GPC6: variants seen among roughly 807,000 people sequenced by gnomAD.
GPC6 encodes the protein glypican-6.
A neutral mutation model predicts 55.2 loss-of-function variants in GPC6; 14 were observed. The ratio of observed to expected loss-of-function variants is 0.25; its 90% CI spans 0.17 to 0.40. The LOEUF (loss-of-function observed/expected upper bound fraction) is 0.40. GPC6 is among the 10% of genes least tolerant of loss of function. The probability of loss-of-function intolerance (pLI) is 1.00; values close to 1 mark genes in which losing one functional copy is unlikely to be tolerated. For missense variants in GPC6, 641 were observed against 708.5 expected (o/e 0.90, Z 1.08); for synonymous variants, 278 against 259.6 (o/e 1.07, Z -0.68).
At chr13:94,396,375 T>C (rs1880897950) in intron 7 of GPC6, among the ~76,000 whole-genome samples, 1 of 152,186 alleles carries the variant, frequency 6.6e-6, no homozygotes, top group Non-Finnish European at 1.5e-5. Context: ...TGAAGTTTTC[T>C]AAAATAAAAA....
intron 3 of GPC6, among the ~76,000 whole-genome samples, chr13:94,001,410 C>T (rs1320994143): frequency 6.6e-6 from 1 of 151,996 alleles, no homozygotes; most frequent in African/African-American, 2.4e-5. Flanking sequence ...TTATAAATAT[C>T]TTGAACAATG....
chr13:94,241,926 AT>A (rs1891065278), intron 4 of GPC6, among the ~76,000 whole-genome samples: 1 of 148,646 alleles, frequency 6.7e-6, no homozygotes, highest in African/African-American at 2.5e-5. Flanking sequence ...TTCTTTTTTT[AT>A]TATTATTATG....
chr13:94,128,737 G>T (rs1056449188), intron 4 of GPC6, among the ~76,000 whole-genome samples: 1 of 152,150 alleles, frequency 6.6e-6, no homozygotes, highest in African/African-American at 2.4e-5. Context: ...GAACTGGAAA[G>T]ATCTGGCAAA....
chr13:93,837,973 A>G (rs1464798947), intron 3 of GPC6, among the ~76,000 whole-genome samples: 1 of 152,244 alleles, frequency 6.6e-6, no homozygotes, highest in Non-Finnish European at 1.5e-5. Context: ...AATGATTTGC[A>G]GGAGACAAGG....
At chr13:93,970,868 C>G (rs1222073319) in intron 3 of GPC6, among the ~76,000 whole-genome samples, 6 of 152,112 alleles carry the variant, frequency 3.9e-5, no homozygotes, top group Admixed American at 3.3e-4. Context: ...GGTTAATGCC[C>G]TCATTATATA....
chr13:94,005,454 G>T (rs1241924567), intron 3 of GPC6, among the ~76,000 whole-genome samples: 1 of 152,104 alleles, frequency 6.6e-6, no homozygotes, highest in Non-Finnish European at 1.5e-5. Flanking sequence ...AAGTCTTTCA[G>T]CCTCTCTCTT....
chr13:93,923,990 A>G (rs1877715652), intron 3 of GPC6, among the ~76,000 whole-genome samples: 1 of 152,198 alleles, frequency 6.6e-6, no homozygotes, highest in Non-Finnish European at 1.5e-5. Context: ...AATGGAATGG[A>G]ATGGTGTAGC....
rs921245464 is a variant in GPC6 at position 94,305,721 on chromosome 13, A to G, written c.1009-259A>G. On this transcript the variant is annotated intron_variant, in intron 5 of 8. Coordinates refer to ENST00000377047, the MANE Select transcript of GPC6 (RefSeq NM_005708.5). ...TTTTAATGAGTAAGCAAATTTGCAA[A>G]TATGTATCTACCAATAATAAGATTG... Among the ~76,000 whole-genome samples the G allele has an allele frequency of 7.6e-4, 115 of 152,178 alleles. 2 individuals carry two copies. Among genetic ancestry groups the G allele is most frequent in the African/African-American group, 2.8e-3 (115 of 41,436 alleles).
intron 1 of GPC6, among the ~76,000 whole-genome samples, chr13:93,358,070 G>A (rs1342762456): frequency 2.4e-4 from 37 of 152,136 alleles, no homozygotes; most frequent in Non-Finnish European, 5.9e-5. Context: ...AACATTGGCC[G>A]GGTACGGTGG....
intron 2 of GPC6, among the ~76,000 whole-genome samples, chr13:93,623,460 T>TTTTCTTTC (rs1566454924): frequency 9.2e-5 from 2 of 21,852 alleles, no homozygotes; most frequent in East Asian, 4.2e-4. Flanking sequence ...CTTTTCTTTT[T>TTTTCTTTC]TTTTTTTTTT....
chr13:93,702,639 C>T (rs531472960), intron 2 of GPC6, among the ~76,000 whole-genome samples: 29 of 151,980 alleles, frequency 1.9e-4, no homozygotes, highest in Non-Finnish European at 3.4e-4. Flanking sequence ...ATTTAGTGTC[C>T]CCATCTTCAT....
intron 6 of GPC6, among the ~76,000 whole-genome samples, chr13:94,311,460 T>C (rs1205960867): frequency 6.6e-6 from 1 of 152,168 alleles, no homozygotes; most frequent in Non-Finnish European, 1.5e-5. Context: ...AGAGCCACTG[T>C]GTCCAGCCCT....
rs11839129 is a variant in GPC6 at position 93,966,729 on chromosome 13, C to A, written c.712-61000C>A. On this transcript the variant is annotated intron_variant, in intron 3 of 8. Coordinates refer to ENST00000377047, the MANE Select transcript of GPC6 (RefSeq NM_005708.5). ...ACAGTGGCATGATCATGGCTCATTGCAGCCTCAACCTCCTGGACTCAAGCA... is the reference window on the plus strand; with the variant it reads ...ACAGTGGCATGATCATGGCTCATTGAAGCCTCAACCTCCTGGACTCAAGCA... 1.7e-3 allele frequency among the ~76,000 whole-genome samples: 237 copies of A among 137,294 alleles called. 1 individual carries two copies. Among genetic ancestry groups the A allele is most frequent in the African/African-American group, 6.3e-3 (226 of 35,788 alleles). The allele number at this position is 137,294 out of a possible 152,430, so 90.1% of individuals were successfully genotyped here.
intron 3 of GPC6, among the ~76,000 whole-genome samples, chr13:93,936,573 A>G (rs1878444642): frequency 1.3e-5 from 2 of 152,186 alleles, no homozygotes; most frequent in East Asian, 1.9e-4. Context: ...TAGCAGTTTT[A>G]TGAAATTTTA....
At chr13:93,722,691 T>C (rs1038260279) in intron 2 of GPC6, among the ~76,000 whole-genome samples, 1 of 151,884 alleles carries the variant, frequency 6.6e-6, no homozygotes, top group Non-Finnish European at 1.5e-5. Flanking sequence ...AAAACAGAAA[T>C]TTATTCTTTC....
intron 1 of GPC6, among the ~76,000 whole-genome samples, chr13:93,270,083 T>C (rs180931777): frequency 1.3e-5 from 2 of 151,512 alleles, no homozygotes; most frequent in African/African-American, 2.4e-5. Context: ...AGTAAGACTA[T>C]GGCTCTCAAA....
rs1416966772 is a variant in GPC6, at chr13:94,234,284, G to A, written c.878-52065G>A. On this transcript the variant is annotated intron_variant, in intron 4 of 8. Coordinates refer to ENST00000377047, the MANE Select transcript of GPC6 (RefSeq NM_005708.5). ...AGGGTAAGGATGTACTGTGAACTCA[G>A]AAGTATTCCATGTTTACAGGTATAA... Among the ~76,000 whole-genome samples, 3 of 152,136 alleles carry A rather than the reference G, an allele frequency of 2.0e-5. No individual in the cohort carries two copies. The East Asian group carries it at 5.8e-4, about 29-fold the overall frequency.
At chr13:94,277,991 A>C (rs1156376773) in intron 4 of GPC6, among the ~76,000 whole-genome samples, 1 of 152,120 alleles carries the variant, frequency 6.6e-6, no homozygotes, top group African/African-American at 2.4e-5. Flanking sequence ...TGGCAGTTTG[A>C]TGGGAATAGC....
At chr13:93,665,428 G>T (rs1881092857) in intron 2 of GPC6, among the ~76,000 whole-genome samples, 1 of 152,102 alleles carries the variant, frequency 6.6e-6, no homozygotes, top group African/African-American at 2.4e-5. Context: ...AGATAACTAT[G>T]CAGGGATACG....
Sources: allele counts gnomAD v4.1 joint callset (sites outside exome capture counted in the v4.1 genomes callset), GRCh38; gene constraint gnomAD v4.1.1; transcripts MANE v1.5; gene names NCBI Gene and HGNC (gene_info 2026-07-23, HGNC 2026-07-21).